P2RY8: variants seen among roughly 807,000 people sequenced by gnomAD.
P2RY8 encodes the protein P2Y receptor family member 8.
P2RY8 carries 6 observed loss-of-function variants against 10.0 expected under a neutral mutation model. The ratio of observed to expected loss-of-function variants is 0.60; its 90% CI spans 0.33 to 1.19. The LOEUF (loss-of-function observed/expected upper bound fraction) is 1.19, where lower values mean the gene tolerates loss of function less well. Ranked by LOEUF, P2RY8 falls within the 50% of genes most tolerant of loss-of-function variation. P2RY8 has a pLI of 0.04. For missense variants in P2RY8, 456 were observed against 542.0 expected, an observed-to-expected ratio of 0.84 and a Z score of 1.58; for synonymous variants, 276 against 252.5, an observed-to-expected ratio of 1.09 and a Z score of -0.88.
intron 1 of P2RY8, among the ~76,000 whole-genome samples, chrX:1,508,999 TGTTCATCC>T (rs2092263488): frequency 1.1e-4 from 12 of 109,524 alleles, no homozygotes; most frequent in South Asian, 6.2e-4. Context: ...ATCCTGTATG[TGTTCATCC>T]ATCCATCCAT....
intron 1 of P2RY8, among the ~76,000 whole-genome samples, chrX:1,471,941 G>A (rs1396346079): frequency 4.6e-5 from 7 of 152,156 alleles, no homozygotes; most frequent in African/African-American, 1.2e-4. Flanking sequence ...CGTGCTTGTC[G>A]TCTGCTCTCC....
chrX:1,521,305 C>G (rs2092389678), intron 1 of P2RY8, among the ~76,000 whole-genome samples: 2 of 152,122 alleles, frequency 1.3e-5, no homozygotes, highest in African/African-American at 2.4e-5. Context: ...CTTGGCCTCC[C>G]AAAGTGCTGG....
chrX:1,494,868 A>ATTT (rs1478496212), intron 1 of P2RY8, among the ~76,000 whole-genome samples: 1 of 24,466 alleles, frequency 4.1e-5, no homozygotes. Flanking sequence ...ACACCTGGCT[A>ATTT]ATTTTTTTTT....
chrX:1,533,689 T>C (rs1367429386), intron 1 of P2RY8, among the ~76,000 whole-genome samples: 2 of 126,040 alleles, frequency 1.6e-5, no homozygotes, highest in Non-Finnish European at 3.1e-5. Flanking sequence ...ATTTATATAT[T>C]ATTTATATAT....
chrX:1,466,420 C>A lies in P2RY8; in HGVS notation c.139G>T (p.Val47Leu). The change falls in exon 2 of 2, where the codon GTG (valine) becomes TTG (leucine). Residue 47 changes from valine (V) to leucine (L), a missense_variant. Transcript: ENST00000381297. ...SIPGNLFSLW[V>L]LCRRMGPRSP... is the part of the protein sequence containing the mutation. ...CTGGGCCCCATGCGCCGGCACAGCA[C>A]CCACAGAGAGAAGAGGTTGCCCGGG... 1.2e-6 allele frequency: 2 copies of A among 1,613,304 alleles called. No homozygotes were observed. Among genetic ancestry groups the A allele is most frequent in the Non-Finnish European group, 1.7e-6 (2 of 1,179,856 alleles).
intron 1 of P2RY8, among the ~76,000 whole-genome samples, chrX:1,468,737 C>T (rs1421238348): frequency 1.2e-5 from 1 of 86,100 alleles, no homozygotes; most frequent in Non-Finnish European, 2.5e-5. Flanking sequence ...TCTCCTCTCT[C>T]CTCTCTCCTC....
At chrX:1,477,199 A>AAG (rs1569536788) in intron 1 of P2RY8, among the ~76,000 whole-genome samples, 74,127 of 148,066 alleles carry the variant, frequency 0.5, 18,736 homozygotes, top group South Asian at 0.64. Context: ...AAAAAAAAAA[A>AAG]AAGAAGAAGA....
At chrX:1,479,951 G>C (rs1463946231) in intron 1 of P2RY8, among the ~76,000 whole-genome samples, 3 of 152,200 alleles carry the variant, frequency 2.0e-5, no homozygotes, top group African/African-American at 7.2e-5. Flanking sequence ...CAGCCAATCT[G>C]AGTGAGCCTA....
At position 1,484,748 on chromosome X, in the gene P2RY8, AG is replaced by A. The variant is rs1170078686; in HGVS notation, c.-24-18167del. Among the ~76,000 whole-genome samples the A allele has an allele frequency of 5.3e-3, 483 of 90,960 alleles. 13 individuals carry two copies. The highest frequency in any genetic ancestry group is 9.2e-3 in the East Asian group (23 of 2,504). The allele number at this position is 90,960 out of a possible 152,430, so 59.7% of individuals were successfully genotyped here. ...GTAAAAAAAAAAAAAAAAAAAAAAA[AG>A]AAGAAGAAGAAGAAGAAGCGGCAGC... On this transcript the variant is annotated intron_variant, in intron 1 of 1. Coordinates refer to ENST00000381297, the MANE Select transcript of P2RY8 (RefSeq NM_178129.5).
At chrX:1,523,538 G>C (rs1208658066) in intron 1 of P2RY8, among the ~76,000 whole-genome samples, 2 of 152,308 alleles carry the variant, frequency 1.3e-5, no homozygotes, top group East Asian at 3.9e-4. Context: ...GGAGGGAAGG[G>C]AGAAGTGGGA....
At chrX:1,509,751 G>GTCTATCTATCTATCTATCTATCTA (rs1307366915) in intron 1 of P2RY8, among the ~76,000 whole-genome samples, 1,204 of 78,100 alleles carry the variant, frequency 0.015, 41 homozygotes, top group East Asian at 0.035. Flanking sequence ...GTATCTATCT[G>GTCTATCTATCTATCTATCTATCTA]TCTATCTATC....
Position 1,520,894 on chromosome X carries a change from C to T in P2RY8, c.-25+16027G>A, listed in dbSNP as rs1569538584. Among the ~76,000 whole-genome samples, 6 of 151,794 alleles carry T rather than the reference C, an allele frequency of 4.0e-5. 1 individual carries two copies. In the South Asian group the frequency reaches 1.2e-3, roughly 32 times the overall value. On this transcript the variant is annotated intron_variant, in intron 1 of 1. Transcript: ENST00000381297. Reference sequence around the variant, plus strand: ...TGGTTCCCAATAATTTCCCTTGTCCCCAATAATCTCCTTGATCCCCAATCA... The same window carrying T: ...TGGTTCCCAATAATTTCCCTTGTCCTCAATAATCTCCTTGATCCCCAATCA...
intron 1 of P2RY8, among the ~76,000 whole-genome samples, chrX:1,484,746 A>AAAAAAAAG (rs1556677398): frequency 8.2e-5 from 9 of 110,356 alleles, no homozygotes; most frequent in Non-Finnish European, 1.5e-4. Context: ...AAAAAAAAAA[A>AAAAAAAAG]AAGAAGAAGA....
intron 1 of P2RY8, among the ~76,000 whole-genome samples, chrX:1,516,126 GGCGGAGGTTGCAGTGA>G (rs2092346318): frequency 2.0e-5 from 3 of 151,534 alleles, no homozygotes; most frequent in African/African-American, 2.4e-5. Flanking sequence ...GAACCTGGGA[GGCGGAGGTTGCAGTGA>G]GCGGAGGTTG....
At chrX:1,516,711 A>C (rs2092353415) in intron 1 of P2RY8, among the ~76,000 whole-genome samples, 1 of 151,830 alleles carries the variant, frequency 6.6e-6, no homozygotes, top group African/African-American at 2.4e-5. Context: ...CACGCAGTCT[A>C]TGGTATTCTG....
intron 1 of P2RY8, among the ~76,000 whole-genome samples, chrX:1,532,057 G>A (rs1292659892): frequency 6.6e-6 from 1 of 151,906 alleles, no homozygotes; most frequent in East Asian, 1.9e-4. Context: ...CCCACTGCTG[G>A]GTATCTAGGT....
intron 1 of P2RY8, among the ~76,000 whole-genome samples, chrX:1,534,519 G>C (rs1427852605): frequency 1.6e-4 from 25 of 152,158 alleles, no homozygotes; most frequent in Non-Finnish European, 3.1e-4. Flanking sequence ...CCTAACCCGA[G>C]AGAGGAAGAG....
chrX:1,520,676 C>T lies in P2RY8; in HGVS notation c.-25+16245G>A, dbSNP rs182670712. Among the ~76,000 whole-genome samples, 381 of 151,906 alleles carry T rather than the reference C, an allele frequency of 2.5e-3. 2 individuals are homozygous for T. Among genetic ancestry groups the T allele is most frequent in the African/African-American group, 9.0e-3 (372 of 41,416 alleles). On this transcript the variant is annotated intron_variant, in intron 1 of 1. Coordinates refer to ENST00000381297, the MANE Select transcript of P2RY8 (RefSeq NM_178129.5). ...TATTCTCTCTGATCCTCAGTCATCTCTTTGTTCTCTAATAATCTCCCTGGT... is the reference window on the plus strand; with the variant it reads ...TATTCTCTCTGATCCTCAGTCATCTTTTTGTTCTCTAATAATCTCCCTGGT...
chrX:1,521,673 C>A (rs752716448), intron 1 of P2RY8, among the ~76,000 whole-genome samples: 1 of 152,072 alleles, frequency 6.6e-6, no homozygotes, highest in Non-Finnish European at 1.5e-5. Context: ...TGCTTAGAAA[C>A]GGCAAAGGAA....
Sources: gnomAD v4.1 joint callset for allele counts (sites outside exome capture counted in the v4.1 genomes callset) on GRCh38, gnomAD v4.1.1 for gene constraint, MANE v1.5 for transcripts, NCBI Gene and HGNC (gene_info 2026-07-23, HGNC 2026-07-21) for gene names.